CPLANE1: variants seen among roughly 807,000 people sequenced by gnomAD.
The protein encoded by CPLANE1 is ciliogenesis and planar polarity effector complex subunit 1.
A neutral mutation model predicts 362.5 loss-of-function variants in CPLANE1; 263 were observed. The ratio of observed to expected loss-of-function variants is 0.73; its 90% CI spans 0.66 to 0.80. CPLANE1 has a LOEUF of 0.80. CPLANE1 is among the 30% of genes least tolerant of loss of function. CPLANE1 has a pLI of 0.00. For synonymous variants in CPLANE1, 1,212 were observed against 1,302.6 expected, an observed-to-expected ratio of 0.93 and a Z score of 1.50; for missense variants, 3,461 against 3,793.4, an observed-to-expected ratio of 0.91 and a Z score of 2.30.
intron 43 of CPLANE1, among the ~76,000 whole-genome samples, chr5:37,145,320 C>CA (rs1475206450): frequency 6.6e-6 from 1 of 151,712 alleles, no homozygotes; most frequent in East Asian, 1.9e-4. Context: ...AACAAACAAA[C>CA]AAAAAAACAG....
At chr5:37,207,905 T>C (rs1791256514) in intron 16 of CPLANE1, among the ~76,000 whole-genome samples, 1 of 150,940 alleles carries the variant, frequency 6.6e-6, no homozygotes, top group African/African-American at 2.5e-5. Flanking sequence ...CTTCCTTCTC[T>C]AGTTTTTTTT....
Position 37,226,691 on chromosome 5 carries a change from C to T in CPLANE1, c.1904G>A (p.Cys635Tyr). 6.4e-7 allele frequency: 1 copy of T among 1,550,778 alleles called. No individual in the cohort carries two copies. The highest frequency in any genetic ancestry group is 1.2e-5 in the South Asian group (1 of 83,806). Reference protein sequence around the residue: ...KSSRHNAWILCIFQLFHQCLS... With the variant: ...KSSRHNAWILYIFQLFHQCLS... ...ACACTGATGAAAAAGTTGAAAGATA[C>T]AAAGTATCCATGCATTATGTCTTGA... is the stretch of plus-strand genomic sequence containing the variant. The change falls in exon 12 of 53, where the codon TGT becomes TAT. Residue 635 changes from cysteine to tyrosine, a missense_variant. Cys to Tyr is a radical substitution (Grantham distance 194, BLOSUM62 -2). This residue lies in a region of CPLANE1 where 3,380 missense variants were observed against 3,666.1 expected (regional missense o/e 0.92). Transcript: ENST00000651892.
At chr5:37,237,778 A>C (rs1412042385) in intron 8 of CPLANE1, among the ~76,000 whole-genome samples, 1 of 150,912 alleles carries the variant, frequency 6.6e-6, no homozygotes, top group Non-Finnish European at 1.5e-5. Flanking sequence ...TGAGCCCGGG[A>C]GGCAGAGCTT....
chr5:37,141,505 G>A, intron 44 of CPLANE1: 1 of 983,828 alleles, frequency 1.0e-6, no homozygotes, highest in Non-Finnish European at 1.2e-6. Context: ...AAAGAACTGA[G>A]AAAATAATTA....
At chr5:37,087,815 C>T in the CPLANE1 span, among the ~76,000 whole-genome samples, 8 of 152,276 alleles carry the variant, frequency 5.3e-5, no homozygotes, top group Middle Eastern at 3.4e-3. Flanking sequence ...AAAATGGAGC[C>T]GCTAGCCCAT....
At position 37,205,504 on chromosome 5, in the gene CPLANE1, G is replaced by C. The variant is rs751067478; in HGVS notation, c.3150-50C>G. ...AATGAATCCAAATTTTGAAAAAAAA[G>C]GAAAGGTTTCACATATCAAGGACTA... is the stretch of plus-strand genomic sequence containing the variant. On this transcript the variant is annotated intron_variant, in intron 17 of 52. Coordinates refer to ENST00000651892, the MANE Select transcript of CPLANE1 (RefSeq NM_001384732.1). 2.5e-5 allele frequency: 33 copies of C among 1,342,410 alleles called. No individual in the cohort carries two copies. In the African/African-American group the frequency reaches 4.8e-4, roughly 19 times the overall value. 83.2% of individuals were successfully genotyped at this position (1,342,410 alleles called of 1,614,324 possible). A position where few individuals can be genotyped will look rare whatever the true frequency, so the allele number is the denominator to read the frequency against.
chr5:37,124,327 T>C (rs1476125738), intron 47 of CPLANE1, among the ~76,000 whole-genome samples: 6 of 152,202 alleles, frequency 3.9e-5, no homozygotes, highest in Non-Finnish European at 5.9e-5. Context: ...ATCAAAGTAA[T>C]AGTGCTTTGT....
At chr5:37,116,206 C>T (rs1485670789) in intron 50 of CPLANE1, among the ~76,000 whole-genome samples, 3 of 151,986 alleles carry the variant, frequency 2.0e-5, no homozygotes, top group African/African-American at 7.2e-5. Flanking sequence ...CTCACACTAC[C>T]AGGCACGGTG....
chr5:37,188,303 G>A (rs973439411), intron 21 of CPLANE1, among the ~76,000 whole-genome samples: 19 of 152,128 alleles, frequency 1.2e-4, no homozygotes, highest in African/African-American at 4.3e-4. Context: ...TCACAATCCA[G>A]CTATCAAAAC....
intron 18 of CPLANE1, 55 bp from the exon 19 acceptor site, chr5:37,201,863 C>A: frequency 7.8e-7 from 1 of 1,275,606 alleles, no homozygotes. Context: ...AACTTCTTAT[C>A]CATTTTGTAG....
Position 37,230,862 on chromosome 5 carries a change from C to T in CPLANE1, c.1121+5G>A. On this transcript the variant is annotated splice_donor_5th_base_variant and intron_variant, in intron 9 of 52. Coordinates refer to ENST00000651892, the MANE Select transcript of CPLANE1 (RefSeq NM_001384732.1). The stretch of plus-strand genomic sequence containing the variant: ...AAACAAATTAACACAATTCAAATGT[C>T]TCACCTATACGTTATTAGTGGATGA... 1 of 1,445,516 alleles carries T rather than the reference C, an allele frequency of 6.9e-7. No homozygotes were observed. Among genetic ancestry groups the T allele is most frequent in the Non-Finnish European group, 9.2e-7 (1 of 1,092,596 alleles). The allele number at this position is 1,445,516 out of a possible 1,614,324, so 89.5% of individuals were successfully genotyped here. A position where few individuals can be genotyped will look rare whatever the true frequency, so the allele number is the denominator to read the frequency against.
At chr5:37,231,486 G>A (rs1389784850) in intron 8 of CPLANE1, among the ~76,000 whole-genome samples, 1 of 152,152 alleles carries the variant, frequency 6.6e-6, no homozygotes, top group African/African-American at 2.4e-5. Flanking sequence ...AGAATGGCTT[G>A]AACTGGGGAG....
intron 46 of CPLANE1, among the ~76,000 whole-genome samples, chr5:37,137,919 G>GTT (rs775799115): frequency 1.8e-4 from 26 of 143,024 alleles, no homozygotes; most frequent in African/African-American, 5.6e-4. Flanking sequence ...TATCAGGGTT[G>GTT]TTTTTTTTTT....
In CPLANE1 at chr5:37,107,741, G is replaced by T; in HGVS notation, c.9617C>A (p.Pro3206His). 1 of 1,611,638 alleles carries T rather than the reference G, an allele frequency of 6.2e-7. No individual in the cohort carries two copies. ...SPTEEEEPEH[P>H]FGVGGVDSVS... is the part of the protein sequence containing the mutation. ...GCTGTCCACACCGCCCACCCCAAAA[G>T]GATGCTCTGGCTCTTCCTCTTCAGT... Residue 3206 changes from proline to histidine, a missense_variant, in exon 53 of 53, where the codon CCT becomes CAT. Around this residue, in one of 2 missense-constraint regions of CPLANE1, gnomAD observed 81 missense variants for 127.3 expected, o/e 0.64. Coordinates refer to ENST00000651892, the MANE Select transcript of CPLANE1 (RefSeq NM_001384732.1).
At chr5:37,137,451 CCCAGTT>C (rs1357063515) in intron 46 of CPLANE1, among the ~76,000 whole-genome samples, 11 of 152,212 alleles carry the variant, frequency 7.2e-5, no homozygotes, top group Non-Finnish European at 1.3e-4. Context: ...CTGCCTGTTA[CCCAGTT>C]CCAAAGTCGC....
rs770691097 is a variant in CPLANE1, at chr5:37,183,660, C to T, written c.4521G>A (p.Lys1507=). The part of the protein sequence containing the change: ...PNHMELTSIH[K]PTDKRKMCNQ... ...TACACATTTTCCTTTTATCAGTTGG[C>T]TTATGAATTGATGTTAATTCCATGT... Residue 1507 remains lysine, a synonymous_variant, in exon 26 of 53, where the codon AAG becomes AAA. Transcript: ENST00000651892. 5.6e-6 allele frequency: 9 copies of T among 1,605,714 alleles called. No individual in the cohort carries two copies. The highest frequency in any genetic ancestry group is 7.6e-6 in the Non-Finnish European group (9 of 1,177,552).
the CPLANE1 span, among the ~76,000 whole-genome samples, chr5:37,077,606 C>CTT: frequency 0.016 from 1,186 of 75,862 alleles, 2 homozygotes; most frequent in Non-Finnish European, 0.021. Context: ...GTGTGTGTGT[C>CTT]TTTTTTTTTT....
At chr5:37,119,138 TAAAG>T (rs1344909125) in intron 50 of CPLANE1, among the ~76,000 whole-genome samples, 2 of 152,196 alleles carry the variant, frequency 1.3e-5, no homozygotes, top group Admixed American at 6.5e-5. Flanking sequence ...ATGGCACAAT[TAAAG>T]AAAGGTGTAA....
intron 50 of CPLANE1, among the ~76,000 whole-genome samples, chr5:37,117,975 A>AT (rs1761515591): frequency 6.6e-6 from 1 of 152,242 alleles, no homozygotes; most frequent in Admixed American, 6.5e-5. Flanking sequence ...ACAATTTTAG[A>AT]TATGTATTTA....
Sources: allele counts gnomAD v4.1 joint callset (sites outside exome capture counted in the v4.1 genomes callset), GRCh38; gene constraint gnomAD v4.1.1; regional missense constraint gnomAD v4.1.1; transcripts MANE v1.5; gene names NCBI Gene and HGNC (gene_info 2026-07-23, HGNC 2026-07-21).